The following GPC5 variants were observed in gnomAD, a reference collection of about 807,000 sequenced individuals.
The protein encoded by GPC5 is glypican-5.
A neutral mutation model predicts 53.9 loss-of-function variants in GPC5; 47 were observed. That is an observed-to-expected ratio of 0.87 (90% CI 0.69 to 1.11). The LOEUF (loss-of-function observed/expected upper bound fraction) is 1.11. Among genes scored for constraint, GPC5 ranks in the 50% most tolerant of loss-of-function variants. The pLI, the probability that GPC5 is intolerant of heterozygous loss-of-function variation, is 0.00. For missense variants in GPC5, 748 were observed against 713.1 expected (o/e 1.05, Z -0.56); for synonymous variants, 286 against 263.3 (o/e 1.09, Z -0.84).
intron 7 of GPC5, among the ~76,000 whole-genome samples, chr13:92,779,388 G>T (rs866262006): frequency 5.9e-5 from 9 of 152,022 alleles, no homozygotes; most frequent in Non-Finnish European, 7.4e-5. Flanking sequence ...AAAGCTGTGA[G>T]TTTGGACTAT....
intron 7 of GPC5, among the ~76,000 whole-genome samples, chr13:92,296,948 C>A (rs1185908138): frequency 6.6e-6 from 1 of 152,214 alleles, no homozygotes; most frequent in Non-Finnish European, 1.5e-5. Context: ...GAGCCTCCCA[C>A]CCCCTCCATG....
At chr13:91,701,679 C>G (rs1027917199) in intron 3 of GPC5, among the ~76,000 whole-genome samples, 1 of 151,894 alleles carries the variant, frequency 6.6e-6, no homozygotes, top group Non-Finnish European at 1.5e-5. Flanking sequence ...CTCACATCTG[C>G]TTTATCTATT....
intron 7 of GPC5, among the ~76,000 whole-genome samples, chr13:92,673,271 T>TTTTTCC (rs1479651039): frequency 6.8e-6 from 1 of 146,230 alleles, no homozygotes; most frequent in South Asian, 2.2e-4. Flanking sequence ...ATTACTCTTT[T>TTTTTCC]TTTTCTTTTT....
chr13:92,238,967 G>A (rs2042589655), intron 7 of GPC5, among the ~76,000 whole-genome samples: 1 of 147,332 alleles, frequency 6.8e-6, no homozygotes, highest in Non-Finnish European at 1.5e-5. Flanking sequence ...TTCTTTGCAT[G>A]TTTTGTCCCA....
At chr13:92,029,601 C>G (rs1185205599) in intron 6 of GPC5, among the ~76,000 whole-genome samples, 1 of 152,210 alleles carries the variant, frequency 6.6e-6, no homozygotes, top group Non-Finnish European at 1.5e-5. Flanking sequence ...CTTGACACCC[C>G]TGTCTTCTCC....
chr13:92,637,224 C>A (rs1440046562), intron 7 of GPC5, among the ~76,000 whole-genome samples: 2 of 152,038 alleles, frequency 1.3e-5, no homozygotes, highest in African/African-American at 2.4e-5. Context: ...TAATCGATTG[C>A]AAAATTTAGT....
At chr13:91,814,784 G>T (rs576645555) in intron 5 of GPC5, among the ~76,000 whole-genome samples, 21 of 152,036 alleles carry the variant, frequency 1.4e-4, no homozygotes, top group Non-Finnish European at 2.6e-4. Flanking sequence ...CAGGTGATCC[G>T]CCCACCTCAG....
chr13:91,955,724 T>G (rs974313959), intron 6 of GPC5, among the ~76,000 whole-genome samples: 2 of 152,170 alleles, frequency 1.3e-5, no homozygotes, highest in African/African-American at 4.8e-5. Flanking sequence ...GCATAATAGC[T>G]TGTGCTGCAT....
At chr13:92,442,741 C>CA (rs1566592317) in intron 7 of GPC5, among the ~76,000 whole-genome samples, 1 of 152,106 alleles carries the variant, frequency 6.6e-6, no homozygotes, top group Admixed American at 6.5e-5. Flanking sequence ...CAAAAAAACT[C>CA]AAAAGCCCAA....
At chr13:91,412,607 A>G (rs1028372026) in intron 1 of GPC5, among the ~76,000 whole-genome samples, 1 of 152,256 alleles carries the variant, frequency 6.6e-6, no homozygotes, top group African/African-American at 2.4e-5. Flanking sequence ...GTAAATGACT[A>G]CTGTGGATAT....
intron 7 of GPC5, among the ~76,000 whole-genome samples, chr13:92,209,759 A>ATTAGGG (rs1418888949): frequency 6.6e-6 from 1 of 152,174 alleles, no homozygotes; most frequent in East Asian, 1.9e-4. Context: ...TAGACAGTGT[A>ATTAGGG]TTAGGGTTCT....
chr13:92,779,087 A>C (rs1875927676), intron 7 of GPC5, among the ~76,000 whole-genome samples: 1 of 152,074 alleles, frequency 6.6e-6, no homozygotes, highest in Non-Finnish European at 1.5e-5. Flanking sequence ...AAAGAGACTT[A>C]CTGGACTTAC....
chr13:92,727,894 C>T (rs9561129), intron 7 of GPC5, among the ~76,000 whole-genome samples: 2 of 151,440 alleles, frequency 1.3e-5, no homozygotes, highest in East Asian at 3.9e-4. Context: ...AGTCAGTTTA[C>T]TATCTCCTAC....
chr13:92,713,332 C>A (rs975819978), intron 7 of GPC5, among the ~76,000 whole-genome samples: 5 of 151,532 alleles, frequency 3.3e-5, no homozygotes, highest in African/African-American at 1.2e-4. Flanking sequence ...GTGGCTCACG[C>A]TTGTAATCCC....
chr13:92,367,073 T>G (rs1353727123), intron 7 of GPC5, among the ~76,000 whole-genome samples: 1 of 152,142 alleles, frequency 6.6e-6, no homozygotes, highest in Admixed American at 6.5e-5. Flanking sequence ...TCTATTCAAT[T>G]TGTTACCACA....
chr13:91,832,764 G>A (rs1211035291), intron 5 of GPC5, among the ~76,000 whole-genome samples: 1 of 152,046 alleles, frequency 6.6e-6, no homozygotes, highest in South Asian at 2.1e-4. Context: ...GAAATTTATA[G>A]CACTAAATGC....
intron 2 of GPC5, among the ~76,000 whole-genome samples, chr13:91,549,381 G>A (rs1306326441): frequency 6.6e-6 from 1 of 151,786 alleles, no homozygotes; most frequent in Non-Finnish European, 1.5e-5. Flanking sequence ...CACAATATAT[G>A]AAAAACATAA....
intron 6 of GPC5, among the ~76,000 whole-genome samples, chr13:92,082,855 T>C (rs753038943): frequency 3.3e-5 from 5 of 152,312 alleles, no homozygotes; most frequent in Non-Finnish European, 7.4e-5. Context: ...CATAGCTAGC[T>C]AAAAGTAGAT....
intron 5 of GPC5, among the ~76,000 whole-genome samples, chr13:91,894,652 T>C (rs1204993320): frequency 6.6e-6 from 1 of 152,200 alleles, no homozygotes; most frequent in African/African-American, 2.4e-5. Flanking sequence ...CCTTAGTGAT[T>C]TTTAATTAGT....
Sources: gnomAD v4.1 joint callset for allele counts (sites outside exome capture counted in the v4.1 genomes callset) on GRCh38, gnomAD v4.1.1 for gene constraint, MANE v1.5 for transcripts, NCBI Gene and HGNC (gene_info 2026-07-23, HGNC 2026-07-21) for gene names.